Variants in ARHGAP25 observed in about 807,000 individuals in gnomAD.
ARHGAP25 encodes rho GTPase-activating protein 25.
A neutral mutation model predicts 71.0 loss-of-function variants in ARHGAP25; 34 were observed. The observed-to-expected ratio is 0.48, with a 90% CI of 0.36 to 0.64. ARHGAP25 has a LOEUF of 0.64. Among genes scored for constraint, ARHGAP25 ranks in the 30% least tolerant of loss-of-function variants. The pLI, the probability that ARHGAP25 is intolerant of heterozygous loss-of-function variation, is 0.00. For synonymous variants in ARHGAP25, 282 were observed against 296.5 expected (o/e 0.95, Z 0.50); for missense variants, 706 against 805.1 (o/e 0.88, Z 1.49).
intron 5 of ARHGAP25, among the ~76,000 whole-genome samples, chr2:68,811,520 T>C (rs1474843523): frequency 6.6e-6 from 1 of 152,196 alleles, no homozygotes; most frequent in Non-Finnish European, 1.5e-5. Flanking sequence ...GGAAGGATTT[T>C]CCAGAATCCC....
At chr2:68,760,574 T>G (rs1201653576) in intron 1 of ARHGAP25, among the ~76,000 whole-genome samples, 1 of 151,966 alleles carries the variant, frequency 6.6e-6, no homozygotes, top group African/African-American at 2.4e-5. Context: ...AGAGAATAGT[T>G]TCATTTACAA....
At chr2:68,821,699 A>T (rs997942451) in intron 9 of ARHGAP25, among the ~76,000 whole-genome samples, 3 of 152,084 alleles carry the variant, frequency 2.0e-5, no homozygotes, top group Admixed American at 2.0e-4. Flanking sequence ...TTTAATTTTA[A>T]TTTGAGTTTC....
intron 9 of ARHGAP25, among the ~76,000 whole-genome samples, chr2:68,821,240 G>A (rs1415634892): frequency 1.3e-5 from 2 of 151,880 alleles, no homozygotes; most frequent in Admixed American, 1.3e-4. Flanking sequence ...GACTACAGGT[G>A]CATACTACCA....
chr2:68,796,587 C>G (rs1233295047), intron 4 of ARHGAP25, among the ~76,000 whole-genome samples: 3 of 152,142 alleles, frequency 2.0e-5, no homozygotes, highest in Non-Finnish European at 4.4e-5. Context: ...GGTGAAGATG[C>G]TGTATGATTT....
chr2:68,782,147 C>T, intron 2 of ARHGAP25, 86 bp from the exon 3 acceptor site: 3 of 1,191,156 alleles, frequency 2.5e-6, no homozygotes, highest in East Asian at 2.4e-5. Context: ...CTCCCCATCC[C>T]ATCATTATCC....
At chr2:68,747,359 T>G (rs954790816) in intron 1 of ARHGAP25, among the ~76,000 whole-genome samples, 3 of 152,128 alleles carry the variant, frequency 2.0e-5, no homozygotes, top group Non-Finnish European at 4.4e-5. Flanking sequence ...AATGAAAATG[T>G]GGGGTCCCTT....
intron 1 of ARHGAP25, among the ~76,000 whole-genome samples, chr2:68,737,422 G>C (rs1431285901): frequency 1.3e-5 from 2 of 152,220 alleles, no homozygotes; most frequent in Admixed American, 6.5e-5. Context: ...GGGTTGGATA[G>C]TTTTTTGTTG....
chr2:68,749,792 A>T (rs1364483777), intron 1 of ARHGAP25, among the ~76,000 whole-genome samples: 3 of 152,222 alleles, frequency 2.0e-5, no homozygotes, highest in Non-Finnish European at 4.4e-5. Flanking sequence ...CTAAGCTCCC[A>T]AGTGACTGGA....
intron 1 of ARHGAP25, among the ~76,000 whole-genome samples, chr2:68,758,294 G>T (rs901498676): frequency 2.6e-5 from 4 of 151,816 alleles, no homozygotes; most frequent in African/African-American, 7.3e-5. Context: ...ATTAGACTAA[G>T]CTCACCATTA....
intron 1 of ARHGAP25, among the ~76,000 whole-genome samples, chr2:68,758,274 T>C (rs1316995716): frequency 6.6e-6 from 1 of 151,906 alleles, no homozygotes; most frequent in Non-Finnish European, 1.5e-5. Context: ...AGTAATTACA[T>C]TAAATGTAAA....
intron 2 of ARHGAP25, among the ~76,000 whole-genome samples, chr2:68,715,040 A>G (rs1485544215): frequency 6.6e-6 from 1 of 152,044 alleles, no homozygotes; most frequent in Non-Finnish European, 1.5e-5. Flanking sequence ...TCCCTGACTG[A>G]GAGGCATGAC....
chr2:68,729,163 C>G (rs1674950400), intron 2 of ARHGAP25, among the ~76,000 whole-genome samples: 1 of 152,138 alleles, frequency 6.6e-6, no homozygotes, highest in Admixed American at 6.5e-5. Flanking sequence ...TGAAAGTGTT[C>G]TACAGTTGAT....
chr2:68,717,124 A>C (rs1674628639), intron 2 of ARHGAP25, among the ~76,000 whole-genome samples: 1 of 152,224 alleles, frequency 6.6e-6, no homozygotes, highest in African/African-American at 2.4e-5. Flanking sequence ...TATTGCTCCT[A>C]GACTACAAAT....
intron 6 of ARHGAP25, among the ~76,000 whole-genome samples, chr2:68,814,672 G>A (rs931736890): frequency 2.6e-5 from 4 of 152,186 alleles, no homozygotes; most frequent in African/African-American, 9.7e-5. Flanking sequence ...TAGCACCCTA[G>A]CCCTGCAAGA....
chr2:68,819,601 A>G, intron 9 of ARHGAP25: 1 of 618,940 alleles, frequency 1.6e-6, no homozygotes, highest in East Asian at 2.7e-5. Flanking sequence ...GAGAGACTCA[A>G]ATACAGTCCA....
chr2:68,718,161 G>T (rs938178883), intron 2 of ARHGAP25, among the ~76,000 whole-genome samples: 1 of 147,186 alleles, frequency 6.8e-6, no homozygotes, highest in African/African-American at 2.5e-5. Flanking sequence ...AAAAAAAAAA[G>T]TATCTTCTTT....
chr2:68,719,388 G>A (rs78198075), intron 2 of ARHGAP25, among the ~76,000 whole-genome samples: 3,445 of 144,948 alleles, frequency 0.024, 132 homozygotes, highest in African/African-American at 0.083. Context: ...GAATTGAATT[G>A]TAGGACACCC....
At chr2:68,724,940 C>T (rs1674848477) in intron 2 of ARHGAP25, among the ~76,000 whole-genome samples, 1 of 152,238 alleles carries the variant, frequency 6.6e-6, no homozygotes, top group Non-Finnish European at 1.5e-5. Flanking sequence ...TGGCTACCAG[C>T]AGAGCCTTTG....
intron 1 of ARHGAP25, among the ~76,000 whole-genome samples, chr2:68,736,537 A>G (rs1328272331): frequency 6.6e-6 from 1 of 152,210 alleles, no homozygotes; most frequent in Non-Finnish European, 1.5e-5. Flanking sequence ...CCTATGTTTG[A>G]ACACAGGTTA....
Sources: allele counts gnomAD v4.1 joint callset (sites outside exome capture counted in the v4.1 genomes callset), GRCh38; gene constraint gnomAD v4.1.1; transcripts MANE v1.5; gene names NCBI Gene and HGNC (gene_info 2026-07-23, HGNC 2026-07-21).